Variants in NDUFS4 observed in about 807,000 individuals in gnomAD.
The protein encoded by NDUFS4 is NADH:ubiquinone oxidoreductase subunit S4, also known as NADH dehydrogenase [ubiquinone] iron-sulfur protein 4, mitochondrial.
Under a neutral mutation model 24.3 loss-of-function variants are expected in NDUFS4, and 28 were observed. The observed-to-expected ratio is 1.15, with a 90% CI of 0.85 to 1.58. NDUFS4 has a LOEUF of 1.58. Ranked by LOEUF, NDUFS4 falls within the 40% of genes most tolerant of loss-of-function variation. The pLI is 0.00. For synonymous variants in NDUFS4, 93 were observed against 69.7 expected, an observed-to-expected ratio of 1.34 and a Z score of -1.67; for missense variants, 223 against 207.9, an observed-to-expected ratio of 1.07 and a Z score of -0.45.
intron 3 of NDUFS4, among the ~76,000 whole-genome samples, chr5:53,655,896 C>T (rs1217984891): frequency 6.6e-6 from 1 of 152,180 alleles, no homozygotes; most frequent in Admixed American, 6.5e-5. Flanking sequence ...CCTTCAGACT[C>T]AGTCTCCCCT....
chr5:53,618,044 A>C (rs1345253187), intron 2 of NDUFS4, among the ~76,000 whole-genome samples: 1 of 152,176 alleles, frequency 6.6e-6, no homozygotes, highest in Admixed American at 6.5e-5. Context: ...TAGGAGGCCT[A>C]GTTGTGAGGA....
At chr5:53,595,679 T>C (rs1395395069) in intron 1 of NDUFS4, among the ~76,000 whole-genome samples, 2 of 152,208 alleles carry the variant, frequency 1.3e-5, no homozygotes, top group Admixed American at 6.5e-5. Context: ...ATTCTCCTAC[T>C]TATTACTCTT....
chr5:53,646,024 C>T (rs527992286), intron 2 of NDUFS4, among the ~76,000 whole-genome samples: 17 of 152,214 alleles, frequency 1.1e-4, no homozygotes, highest in African/African-American at 3.6e-4. Flanking sequence ...CCACTGTCTC[C>T]ACTACGTCCC....
chr5:53,621,949 C>G (rs571966961), intron 2 of NDUFS4, among the ~76,000 whole-genome samples: 3 of 152,060 alleles, frequency 2.0e-5, no homozygotes, highest in African/African-American at 7.2e-5. Flanking sequence ...ATCTGCCCGT[C>G]TCGGCCTCCC....
At chr5:53,607,855 G>C (rs982154939) in intron 2 of NDUFS4, among the ~76,000 whole-genome samples, 3 of 152,296 alleles carry the variant, frequency 2.0e-5, no homozygotes, top group Non-Finnish European at 2.9e-5. Flanking sequence ...AAGCTAGATA[G>C]TAGATTTTCA....
chr5:53,601,669 AAAAC>A (rs1201619816), intron 1 of NDUFS4, among the ~76,000 whole-genome samples: 4 of 152,184 alleles, frequency 2.6e-5, no homozygotes, highest in East Asian at 1.9e-4. Flanking sequence ...GAAAATTCCC[AAAAC>A]AAACAATTTA....
At chr5:53,603,664 A>G in intron 2 of NDUFS4, 134 bp downstream of exon 2, 1 of 681,854 alleles carries the variant, frequency 1.5e-6, no homozygotes, top group East Asian at 2.8e-5. Context: ...CCTAAATTTT[A>G]AGAAGAAATA....
intron 1 of NDUFS4, among the ~76,000 whole-genome samples, chr5:53,587,644 A>G (rs1206477630): frequency 6.6e-6 from 1 of 150,526 alleles, no homozygotes; most frequent in African/African-American, 2.5e-5. Flanking sequence ...TGGTGCTATC[A>G]TGGCTCACTG....
intron 2 of NDUFS4, among the ~76,000 whole-genome samples, chr5:53,631,639 C>T (rs1473757135): frequency 6.6e-6 from 1 of 152,162 alleles, no homozygotes; most frequent in Non-Finnish European, 1.5e-5. Flanking sequence ...ATGGGATCCT[C>T]CCAGTTTGAA....
intron 4 of NDUFS4, among the ~76,000 whole-genome samples, chr5:53,673,073 C>T (rs1740335617): frequency 1.1e-4 from 17 of 152,114 alleles, no homozygotes; most frequent in Admixed American, 9.8e-4. Context: ...TACAAGGACT[C>T]AGGTAAATAG....
At chr5:53,661,301 A>C (rs1350609818) in intron 4 of NDUFS4, among the ~76,000 whole-genome samples, 1 of 152,198 alleles carries the variant, frequency 6.6e-6, no homozygotes, top group Non-Finnish European at 1.5e-5. Flanking sequence ...GTCAAAGATC[A>C]GATACTTGTA....
intron 1 of NDUFS4, among the ~76,000 whole-genome samples, chr5:53,601,497 C>A (rs919707641): frequency 6.6e-6 from 1 of 152,082 alleles, no homozygotes; most frequent in Non-Finnish European, 1.5e-5. Context: ...TAAGTTAAAT[C>A]CCCTTTGTAG....
chr5:53,639,168 T>C (rs1751637765), intron 2 of NDUFS4, among the ~76,000 whole-genome samples: 1 of 151,956 alleles, frequency 6.6e-6, no homozygotes, highest in Non-Finnish European at 1.5e-5. Flanking sequence ...GCATTTTTTT[T>C]GTATAAAAGT....
intron 1 of NDUFS4, among the ~76,000 whole-genome samples, chr5:53,572,715 C>G (rs1749251999): frequency 1.3e-5 from 2 of 151,252 alleles, no homozygotes; most frequent in Admixed American, 1.3e-4. Flanking sequence ...GCAATCTTGG[C>G]TTACTGCAAC....
At chr5:53,581,509 A>G (rs1478274840) in intron 1 of NDUFS4, among the ~76,000 whole-genome samples, 2 of 152,006 alleles carry the variant, frequency 1.3e-5, no homozygotes, top group Non-Finnish European at 2.9e-5. Context: ...ATATTTTAGT[A>G]TTTCTCAACT....
intron 2 of NDUFS4, among the ~76,000 whole-genome samples, chr5:53,613,073 C>T (rs1206939233): frequency 6.6e-6 from 1 of 152,064 alleles, no homozygotes; most frequent in Non-Finnish European, 1.5e-5. Flanking sequence ...TAAAGGCTTA[C>T]TTTTGCTTTG....
intron 4 of NDUFS4, among the ~76,000 whole-genome samples, chr5:53,668,867 A>G (rs924094806): frequency 4.6e-5 from 7 of 152,104 alleles, no homozygotes; most frequent in Non-Finnish European, 7.4e-5. Context: ...GCACTATGCT[A>G]AGTGCTTTTC....
Position 53,624,088 on chromosome 5 carries a change from A to C in NDUFS4, c.177+20558A>C, listed in dbSNP as rs145095094. 4.9e-3 allele frequency among the ~76,000 whole-genome samples: 751 copies of C among 152,238 alleles called. 8 individuals carry two copies. Among genetic ancestry groups the C allele is most frequent in the African/African-American group, 0.017 (719 of 41,544 alleles). On this transcript the variant is annotated intron_variant, in intron 2 of 4. Transcript: ENST00000296684. ...ATTCATTTTCATTCTTTAGAATTGG[A>C]TATCCAGTTTTCCCAGCACCATTTG...
intron 3 of NDUFS4, among the ~76,000 whole-genome samples, chr5:53,648,771 T>C (rs553508889): frequency 1.3e-5 from 2 of 152,348 alleles, no homozygotes; most frequent in African/African-American, 4.8e-5. Flanking sequence ...GAAAAAATTT[T>C]CTGGCCCCCC....
Sources: allele counts gnomAD v4.1 joint callset (sites outside exome capture counted in the v4.1 genomes callset), GRCh38; gene constraint gnomAD v4.1.1; transcripts MANE v1.5; gene names NCBI Gene and HGNC (gene_info 2026-07-23, HGNC 2026-07-21).